The following RIC1 variants were observed in gnomAD, a reference collection of about 807,000 sequenced individuals.
RIC1 encodes guanine nucleotide exchange factor subunit RIC1.
Under a neutral mutation model 169.0 loss-of-function variants are expected in RIC1, and 88 were observed. That is an observed-to-expected ratio of 0.52 (90% CI 0.44 to 0.62). The LOEUF is 0.62. Among genes scored for constraint, RIC1 ranks in the 20% least tolerant of loss-of-function variants. The pLI, the probability that RIC1 is intolerant of heterozygous loss-of-function variation, is 0.00. For missense variants in RIC1, 1,877 were observed against 1,725.5 expected (o/e 1.09, Z -1.56); for synonymous variants, 790 against 601.5 (o/e 1.31, Z -4.59).
At chr9:5,711,583 A>ATT in intron 3 of RIC1, among the ~76,000 whole-genome samples, 1 of 147,492 alleles carries the variant, frequency 6.8e-6, no homozygotes, top group African/African-American at 2.4e-5. Context: ...ATATATATAT[A>ATT]TTTTTATTAT....
intron 1 of RIC1, among the ~76,000 whole-genome samples, chr9:5,647,823 G>C (rs1465962788): frequency 3.9e-5 from 6 of 152,074 alleles, no homozygotes; most frequent in Non-Finnish European, 8.8e-5. Flanking sequence ...TCTTAATTCT[G>C]ACCTTTGAGG....
At position 5,720,793 on chromosome 9, in the gene RIC1, T is replaced by C. The variant is rs148418305; in HGVS notation, c.720+43T>C. Reference sequence around the variant, plus strand: ...TGAAGGGTTTTTTGTTATTGTGTACTTATTTTATTCTTTGTTATCAAATTC... The same window carrying C: ...TGAAGGGTTTTTTGTTATTGTGTACCTATTTTATTCTTTGTTATCAAATTC... On this transcript the variant is annotated intron_variant, in intron 6 of 25. Coordinates refer to ENST00000414202, the MANE Select transcript of RIC1 (RefSeq NM_020829.4). 37 of 1,465,986 alleles carry C rather than the reference T, an allele frequency of 2.5e-5. No homozygotes were observed. In the African/African-American group the frequency reaches 5.2e-4, roughly 21 times the overall value. The allele number at this position is 1,465,986 out of a possible 1,614,324, so 90.8% of individuals were successfully genotyped here. A position where few individuals can be genotyped will look rare whatever the true frequency, so the allele number is the denominator to read the frequency against.
intron 3 of RIC1, among the ~76,000 whole-genome samples, chr9:5,707,415 T>G (rs1822656958): frequency 6.6e-6 from 1 of 152,150 alleles, no homozygotes; most frequent in South Asian, 2.1e-4. Flanking sequence ...GTTATTTAAC[T>G]TCTCTATTTC....
chr9:5,652,742 G>A (rs758559945), intron 1 of RIC1, among the ~76,000 whole-genome samples: 21 of 151,394 alleles, frequency 1.4e-4, no homozygotes, highest in Admixed American at 7.2e-4. Context: ...CCAGTACTGC[G>A]TTGAATAAAA....
At chr9:5,650,841 A>T (rs1818763640) in intron 1 of RIC1, among the ~76,000 whole-genome samples, 1 of 152,114 alleles carries the variant, frequency 6.6e-6, no homozygotes. Flanking sequence ...ATGCTTTAAT[A>T]CCAGGGACTC....
At chr9:5,767,920 T>A (rs1781162626) in intron 21 of RIC1, among the ~76,000 whole-genome samples, 1 of 152,232 alleles carries the variant, frequency 6.6e-6, no homozygotes, top group South Asian at 2.1e-4. Flanking sequence ...GCTTACTACA[T>A]GCCAGGCCTT....
At chr9:5,633,681 A>G (rs1586852904) in intron 1 of RIC1, among the ~76,000 whole-genome samples, 1 of 152,182 alleles carries the variant, frequency 6.6e-6, no homozygotes, top group Non-Finnish European at 1.5e-5. Context: ...AATCAGTCTA[A>G]TTAACAGATC....
chr9:5,667,089 C>G (rs1319827087), intron 2 of RIC1, among the ~76,000 whole-genome samples: 1 of 152,110 alleles, frequency 6.6e-6, no homozygotes, highest in African/African-American at 2.4e-5. Context: ...CTTTGGGAAG[C>G]TGAGGCGGGA....
chr9:5,717,772 G>A lies in RIC1; in HGVS notation c.441-2410G>A, dbSNP rs373638857. Among the ~76,000 whole-genome samples, 140 of 151,862 alleles carry A rather than the reference G, an allele frequency of 9.2e-4. No individual in the cohort carries two copies. The Middle Eastern group carries it at 0.014, about 15-fold the overall frequency. ...AGGCAGGAGAATCCCGGGAGGCGGA[G>A]GTTTCAGTGAGCTGAGATCGCGCCA... On this transcript the variant is annotated intron_variant, in intron 4 of 25. Transcript: ENST00000414202.
chr9:5,644,131 G>C (rs746297203), intron 1 of RIC1, among the ~76,000 whole-genome samples: 4 of 152,138 alleles, frequency 2.6e-5, no homozygotes, highest in Non-Finnish European at 4.4e-5. Context: ...TTGATTTTTA[G>C]TAAATTTATA....
chr9:5,647,760 G>T (rs571910529), intron 1 of RIC1, among the ~76,000 whole-genome samples: 131 of 152,186 alleles, frequency 8.6e-4, no homozygotes, highest in Admixed American at 1.5e-3. Context: ...GATTGCTCTG[G>T]CTAGGGCTTT....
intron 1 of RIC1, among the ~76,000 whole-genome samples, chr9:5,643,737 C>T (rs984494649): frequency 4.6e-5 from 7 of 152,070 alleles, no homozygotes; most frequent in Non-Finnish European, 8.8e-5. Flanking sequence ...TGATATAGGA[C>T]CTGCATTAAA....
intron 3 of RIC1, among the ~76,000 whole-genome samples, chr9:5,704,782 A>T (rs765000277): frequency 6.6e-6 from 1 of 151,872 alleles, no homozygotes; most frequent in African/African-American, 2.4e-5. Flanking sequence ...ATTTTCTTCT[A>T]TTTTTTTAAG....
intron 2 of RIC1, among the ~76,000 whole-genome samples, chr9:5,679,205 T>G (rs1820650061): frequency 6.6e-6 from 1 of 152,234 alleles, no homozygotes; most frequent in African/African-American, 2.4e-5. Context: ...TTGGTCTATA[T>G]CTCTGTTTTG....
chr9:5,711,186 G>A (rs899197658), intron 3 of RIC1, among the ~76,000 whole-genome samples: 1 of 152,140 alleles, frequency 6.6e-6, no homozygotes, highest in African/African-American at 2.4e-5. Context: ...AAAAGAGCTA[G>A]TCTGTGAATA....
At chr9:5,676,611 G>C (rs1435649085) in intron 2 of RIC1, among the ~76,000 whole-genome samples, 13 of 152,122 alleles carry the variant, frequency 8.5e-5, no homozygotes, top group Admixed American at 8.5e-4. Context: ...CATTATTAGA[G>C]CCATAGGCAT....
chr9:5,749,446 G>C (rs1205904102), intron 12 of RIC1, among the ~76,000 whole-genome samples: 1 of 152,118 alleles, frequency 6.6e-6, no homozygotes, highest in East Asian at 1.9e-4. Context: ...TAGTTGCCTG[G>C]TTTAATTTGC....
Position 5,747,284 on chromosome 9 carries a change from CCT to C in RIC1, c.1249-15_1249-14del. 1 of 1,601,976 alleles carries C rather than the reference CCT, an allele frequency of 6.2e-7. No homozygotes were observed. Among genetic ancestry groups the C allele is most frequent in the Non-Finnish European group, 8.5e-7 (1 of 1,170,764 alleles). On this transcript the variant is annotated splice_polypyrimidine_tract_variant and intron_variant, in intron 11 of 25. Coordinates refer to ENST00000414202, the MANE Select transcript of RIC1 (RefSeq NM_020829.4). ...TGTTTTCCTCCTTTGCCCTTTTGTT[CCT>C]CTTTCCCTCATTTAGAGTAACCAAG...
chr9:5,756,803 T>TA (rs1826042472), intron 16 of RIC1, among the ~76,000 whole-genome samples: 1 of 152,216 alleles, frequency 6.6e-6, no homozygotes, highest in Non-Finnish European at 1.5e-5. Context: ...TCTGGGGCAG[T>TA]AAAAAATCAG....
Sources: gnomAD v4.1 joint callset for allele counts (sites outside exome capture counted in the v4.1 genomes callset) on GRCh38, gnomAD v4.1.1 for gene constraint, MANE v1.5 for transcripts, NCBI Gene and HGNC (gene_info 2026-07-23, HGNC 2026-07-21) for gene names.